HDAC9: variants seen among roughly 807,000 people sequenced by gnomAD.
HDAC9 encodes MEF-2 interacting transcription repressor (MITR) protein.
HDAC9 carries 41 observed loss-of-function variants against 139.4 expected under a neutral mutation model. The observed-to-expected ratio is 0.29, with a 90% CI of 0.23 to 0.38. The LOEUF (loss-of-function observed/expected upper bound fraction) is 0.38, where lower values mean the gene tolerates loss of function less well. HDAC9 is among the 10% of genes least tolerant of loss of function. The probability of loss-of-function intolerance (pLI) is 1.00; values close to 1 mark genes in which losing one functional copy is unlikely to be tolerated. For synonymous variants in HDAC9, 517 were observed against 476.2 expected (o/e 1.09, Z -1.12); for missense variants, 1,147 against 1,297.0 (o/e 0.88, Z 1.78).
At chr7:18,587,657 T>C (rs1019023291) in intron 3 of HDAC9, among the ~76,000 whole-genome samples, 1 of 152,222 alleles carries the variant, frequency 6.6e-6, no homozygotes, top group African/African-American at 2.4e-5. Flanking sequence ...AGAAAAATAA[T>C]GATACCTTTC....
At chr7:18,866,716 A>G (rs1176580432) in intron 21 of HDAC9, among the ~76,000 whole-genome samples, 2 of 152,216 alleles carry the variant, frequency 1.3e-5, no homozygotes, top group East Asian at 3.8e-4. Context: ...TATAATTTTG[A>G]GTTGCAGGCT....
intron 21 of HDAC9, among the ~76,000 whole-genome samples, chr7:18,839,723 T>C (rs990153090): frequency 1.2e-4 from 19 of 152,104 alleles, no homozygotes; most frequent in African/African-American, 4.6e-4. Flanking sequence ...TTGTCTTTAT[T>C]GAACAAATCT....
At chr7:18,591,688 A>G (rs56252529) in intron 5 of HDAC9, 46 bp downstream of exon 5, 1 of 1,603,472 alleles carries the variant, frequency 6.2e-7, no homozygotes. Context: ...TAAAGAACAC[A>G]GGTTCTGTAT....
At chr7:18,743,229 A>G (rs1050703462) in intron 13 of HDAC9, among the ~76,000 whole-genome samples, 2 of 152,170 alleles carry the variant, frequency 1.3e-5, no homozygotes. Flanking sequence ...GCAACACTTA[A>G]TCTAATTCCT....
intron 2 of HDAC9, among the ~76,000 whole-genome samples, chr7:18,508,738 G>A (rs915098455): frequency 6.6e-6 from 1 of 152,182 alleles, no homozygotes; most frequent in African/African-American, 2.4e-5. Flanking sequence ...TTCGCCAGCT[G>A]AAGTTAGAAG....
chr7:18,829,608 G>A (rs192333425), intron 19 of HDAC9, 60 bp downstream of exon 19: 2 of 1,059,236 alleles, frequency 1.9e-6, no homozygotes, highest in Non-Finnish European at 2.9e-6. Context: ...GAGTGGATTT[G>A]TATTTCTCTG....
chr7:18,254,336 A>G (rs1048408313), intron 2 of HDAC9, among the ~76,000 whole-genome samples: 2 of 152,244 alleles, frequency 1.3e-5, no homozygotes, highest in Non-Finnish European at 2.9e-5. Flanking sequence ...CTATTCACTT[A>G]TCTTCTCTAA....
At chr7:18,089,481 T>A (rs1398338700) in intron 1 of HDAC9, among the ~76,000 whole-genome samples, 7 of 151,940 alleles carry the variant, frequency 4.6e-5, no homozygotes, top group Non-Finnish European at 1.0e-4. Context: ...CCACTATATA[T>A]AAATAATTAT....
chr7:18,593,810 T>C (rs2128839629), intron 5 of HDAC9, 98 bp from the exon 6 acceptor site: 1 of 1,286,902 alleles, frequency 7.8e-7, no homozygotes, highest in East Asian at 2.3e-5. Context: ...AGCATAAACA[T>C]AGCTGAGGCA....
At chr7:18,754,032 G>A (rs1392932256) in intron 14 of HDAC9, among the ~76,000 whole-genome samples, 3 of 152,080 alleles carry the variant, frequency 2.0e-5, no homozygotes, top group Non-Finnish European at 2.9e-5. Context: ...CTGATTAGTA[G>A]CCAGAGAAAA....
intron 1 of HDAC9, among the ~76,000 whole-genome samples, chr7:18,108,572 A>G (rs540746172): frequency 6.6e-5 from 10 of 151,502 alleles, no homozygotes; most frequent in Admixed American, 5.2e-4. Context: ...GTATTCCTGA[A>G]CATACTTTAA....
intron 12 of HDAC9, among the ~76,000 whole-genome samples, chr7:18,671,746 C>G (rs2129084083): frequency 6.6e-6 from 1 of 152,094 alleles, no homozygotes; most frequent in East Asian, 1.9e-4. Context: ...GTTCTTGCCC[C>G]TGACAACCAC....
At chr7:18,631,223 T>A (rs936536611) in intron 7 of HDAC9, among the ~76,000 whole-genome samples, 2 of 152,148 alleles carry the variant, frequency 1.3e-5, no homozygotes, top group African/African-American at 4.8e-5. Context: ...TATATTTCTC[T>A]TCTTAATTTC....
chr7:18,740,104 C>T (rs889359627), intron 13 of HDAC9, among the ~76,000 whole-genome samples: 1 of 152,206 alleles, frequency 6.6e-6, no homozygotes, highest in Non-Finnish European at 1.5e-5. Flanking sequence ...TCCTCGTCTG[C>T]CGATTGCTAA....
rs1585530202 is a variant in HDAC9 at position 18,997,689 on chromosome 7, G to C, written c.*1627G>C. Reference sequence around the variant, plus strand: ...ATATGGAACAATATGGTTTTAGTTAGAGAGGACTCTAACCTGTAAATCAAA... The same window carrying C: ...ATATGGAACAATATGGTTTTAGTTACAGAGGACTCTAACCTGTAAATCAAA... On this transcript the variant is annotated 3_prime_UTR_variant, in exon 26 of 26. Transcript: ENST00000686413. The C allele has an allele frequency of 6.6e-6, 1 of 152,152 alleles. No individual in the cohort carries two copies. Among genetic ancestry groups the C allele is most frequent in the Admixed American group, 6.5e-5 (1 of 15,268 alleles). The allele number at this position is 152,152 out of a possible 1,614,324, so 9.4% of individuals were successfully genotyped here.
At chr7:18,712,836 C>T (rs1347048740) in intron 12 of HDAC9, among the ~76,000 whole-genome samples, 1 of 152,048 alleles carries the variant, frequency 6.6e-6, no homozygotes, top group African/African-American at 2.4e-5. Context: ...TATTTTATGT[C>T]TTTCAAGGAG....
intron 22 of HDAC9, among the ~76,000 whole-genome samples, chr7:18,885,963 G>A (rs143986307): frequency 0.02 from 3,033 of 152,294 alleles, 40 homozygotes; most frequent in Middle Eastern, 0.051. Context: ...TGCAAGGACA[G>A]AGGAAGGGAA....
At chr7:18,205,109 C>A (rs571243842) in intron 2 of HDAC9, among the ~76,000 whole-genome samples, 1 of 151,682 alleles carries the variant, frequency 6.6e-6, no homozygotes, top group East Asian at 1.9e-4. Flanking sequence ...CATTTTGATC[C>A]ATTTTTTTCC....
chr7:18,560,306 T>C (rs1270688948), intron 2 of HDAC9, among the ~76,000 whole-genome samples: 1 of 152,190 alleles, frequency 6.6e-6, no homozygotes, highest in African/African-American at 2.4e-5. Context: ...GTTGTGAGAA[T>C]TAACTGAGAA....
Sources: gnomAD v4.1 joint callset for allele counts (sites outside exome capture counted in the v4.1 genomes callset) on GRCh38, gnomAD v4.1.1 for gene constraint, MANE v1.5 for transcripts, NCBI Gene and HGNC (gene_info 2026-07-23, HGNC 2026-07-21) for gene names.